Variants in ATXN10 observed in about 807,000 individuals in gnomAD.
ATXN10 encodes ataxin-10.
Under a neutral mutation model 52.9 loss-of-function variants are expected in ATXN10, and 28 were observed. The ratio of observed to expected loss-of-function variants is 0.53; its 90% CI spans 0.39 to 0.73. ATXN10 has a LOEUF of 0.73. ATXN10 is among the 30% of genes least tolerant of loss of function. The pLI, the probability that ATXN10 is intolerant of heterozygous loss-of-function variation, is 0.00. For synonymous variants in ATXN10, 226 were observed against 221.5 expected, an observed-to-expected ratio of 1.02 and a Z score of -0.18; for missense variants, 565 against 577.0, an observed-to-expected ratio of 0.98 and a Z score of 0.21.
intron 7 of ATXN10, 104 bp downstream of exon 7, chr22:45,729,694 A>G: frequency 4.8e-6 from 6 of 1,245,864 alleles, no homozygotes; most frequent in Non-Finnish European, 6.9e-6. Context: ...TTTAAAAAAT[A>G]TTATGTAAGT....
intron 10 of ATXN10, among the ~76,000 whole-genome samples, chr22:45,814,145 G>A (rs1179761700): frequency 6.6e-6 from 1 of 152,170 alleles, no homozygotes; most frequent in Non-Finnish European, 1.5e-5. Flanking sequence ...TTATTATCTT[G>A]GATTGGGCAA....
In ATXN10 at chr22:45,827,607, T is replaced by C. The variant is rs183315849; in HGVS notation, c.1238-15384T>C. Among the ~76,000 whole-genome samples the C allele has an allele frequency of 2.1e-3, 327 of 152,202 alleles. 10 individuals carry two copies. Among genetic ancestry groups the C allele is most frequent in the Admixed American group, 0.021 (324 of 15,292 alleles). Reference sequence around the variant, plus strand: ...ATACAGTAAGAAGATACAACAGATATAAACATTTGCACAGACCGATAACAG... The same window carrying C: ...ATACAGTAAGAAGATACAACAGATACAAACATTTGCACAGACCGATAACAG... On this transcript the variant is annotated intron_variant, in intron 10 of 11. Transcript: ENST00000252934.
chr22:45,699,847 ATT>A (rs1166697258), intron 3 of ATXN10, among the ~76,000 whole-genome samples: 3 of 126,390 alleles, frequency 2.4e-5, no homozygotes, highest in Non-Finnish European at 3.4e-5. Context: ...AGGCATATTA[ATT>A]TTTTTTTTTT....
At chr22:45,714,559 T>C (rs1344507725) in intron 5 of ATXN10, among the ~76,000 whole-genome samples, 1 of 152,076 alleles carries the variant, frequency 6.6e-6, no homozygotes, top group Admixed American at 6.5e-5. Context: ...TAATTTTTTA[T>C]TTTGTAGAGA....
Position 45,763,599 on chromosome 22 carries a change from G to A in ATXN10, c.1173+23061G>A, listed in dbSNP as rs1926476663. 6.6e-6 allele frequency among the ~76,000 whole-genome samples: 1 copy of A among 151,956 alleles called. No homozygotes were observed. Among genetic ancestry groups the A allele is most frequent in the East Asian group, 1.9e-4 (1 of 5,164 alleles). ...ACCCCACCACGCCCCCCACCTCTCT[G>A]TCCCTGCTCTTTGGGCCCTTCCTTT... On this transcript the variant is annotated intron_variant, in intron 9 of 11. Coordinates refer to ENST00000252934, the MANE Select transcript of ATXN10 (RefSeq NM_013236.4). This position sits in a 1 kb window ranked among gnomAD's most constrained non-coding sequence, Gnocchi z 6.9.
intron 10 of ATXN10, among the ~76,000 whole-genome samples, chr22:45,830,558 T>A (rs919905254): frequency 3.3e-5 from 5 of 152,124 alleles, no homozygotes; most frequent in Non-Finnish European, 5.9e-5. Flanking sequence ...GAGTACACAT[T>A]TCTCCAGTAA....
At chr22:45,713,110 C>T (rs950840430) in intron 5 of ATXN10, among the ~76,000 whole-genome samples, 2 of 152,066 alleles carry the variant, frequency 1.3e-5, no homozygotes, top group African/African-American at 2.4e-5. Context: ...TGAAACCCCC[C>T]GTCTTTAGGA....
chr22:45,765,788 C>G (rs1161197970), intron 9 of ATXN10, among the ~76,000 whole-genome samples: 1 of 152,156 alleles, frequency 6.6e-6, no homozygotes, highest in Non-Finnish European at 1.5e-5. Flanking sequence ...TAAAAAGACT[C>G]AATTTCATTC....
In ATXN10 at chr22:45,818,853, A is replaced by T. The variant is rs1928552994; in HGVS notation, c.1237+11831A>T. On this transcript the variant is annotated intron_variant, in intron 10 of 11. Coordinates refer to ENST00000252934, the MANE Select transcript of ATXN10 (RefSeq NM_013236.4). The surrounding 1 kb of genome is among the most constrained non-coding windows in gnomAD (Gnocchi z 4.6). The stretch of plus-strand genomic sequence containing the variant: ...TGTGGACACTGATTGCCTGTTCCTA[A>T]GGACCTGCTCCTTAGAGCCAAGCCC... Among the ~76,000 whole-genome samples the T allele has an allele frequency of 6.6e-6, 1 of 152,126 alleles. No individual in the cohort carries two copies. Among genetic ancestry groups the T allele is most frequent in the Non-Finnish European group, 1.5e-5 (1 of 68,024 alleles).
intron 7 of ATXN10, among the ~76,000 whole-genome samples, chr22:45,735,864 G>T (rs9626431): frequency 6.1e-5 from 5 of 81,616 alleles, no homozygotes; most frequent in South Asian, 4.4e-4. Flanking sequence ...ATTAATATTA[G>T]TTTCATAAGA....
At chr22:45,716,318 G>A (rs568285173) in intron 5 of ATXN10, among the ~76,000 whole-genome samples, 2 of 150,046 alleles carry the variant, frequency 1.3e-5, no homozygotes, top group East Asian at 2.0e-4. Flanking sequence ...ATTGCTTTGA[G>A]TGCTTCCTTT....
Position 45,781,856 on chromosome 22 carries a change from C to T in ATXN10, c.1174-25103C>T, listed in dbSNP as rs1927159817. On this transcript the variant is annotated intron_variant, in intron 9 of 11. Coordinates refer to ENST00000252934, the MANE Select transcript of ATXN10 (RefSeq NM_013236.4). The surrounding 1 kb of genome is among the most constrained non-coding windows in gnomAD (Gnocchi z 4.2). ...AAAACTCAGTGATTGGGTTCAGTGG[C>T]AGAATGGAGATGCTGGAAGAAAAAA... 6.6e-6 allele frequency among the ~76,000 whole-genome samples: 1 copy of T among 151,418 alleles called. No individual in the cohort carries two copies. The highest frequency in any genetic ancestry group is 2.4e-5 in the African/African-American group (1 of 41,322).
intron 9 of ATXN10, among the ~76,000 whole-genome samples, chr22:45,785,098 A>G (rs1227707565): frequency 2.0e-5 from 3 of 152,228 alleles, no homozygotes; most frequent in Non-Finnish European, 2.9e-5. Flanking sequence ...ATGTGCCGAA[A>G]CAGCTTTTCA....
At chr22:45,737,690 CTTTTTTTTTT>C (rs544284810) in intron 7 of ATXN10, among the ~76,000 whole-genome samples, 2 of 123,238 alleles carry the variant, frequency 1.6e-5, no homozygotes, top group East Asian at 2.3e-4. Context: ...AATGTTATCT[CTTTTTTTTTT>C]TTTTTTTTTT....
Position 45,824,516 on chromosome 22 carries a change from G to A in ATXN10, c.1237+17494G>A, listed in dbSNP as rs1274671353. ...GCTGTGTCCCCCTTCCATAGTGATT[G>A]TCTTTACTTTCCATCCCTTAGTTGA... is the stretch of plus-strand genomic sequence containing the variant. On this transcript the variant is annotated intron_variant, in intron 10 of 11. Coordinates refer to ENST00000252934, the MANE Select transcript of ATXN10 (RefSeq NM_013236.4). This position sits in a 1 kb window ranked among gnomAD's most constrained non-coding sequence, Gnocchi z 5.2. Among the ~76,000 whole-genome samples the A allele has an allele frequency of 1.3e-5, 2 of 152,128 alleles. No homozygotes were observed. The highest frequency in any genetic ancestry group is 6.5e-5 in the Admixed American group (1 of 15,268).
At chr22:45,817,482 G>A (rs1427651453) in intron 10 of ATXN10, among the ~76,000 whole-genome samples, 3 of 151,884 alleles carry the variant, frequency 2.0e-5, no homozygotes, top group South Asian at 2.1e-4. Context: ...ATGCCACGAC[G>A]CCTGGCTAAT....
At position 45,783,727 on chromosome 22, in the gene ATXN10, T is replaced by G. The variant is rs1184611757; in HGVS notation, c.1174-23232T>G. Among the ~76,000 whole-genome samples the G allele has an allele frequency of 6.6e-6, 1 of 152,250 alleles. No homozygotes were observed. The highest frequency in any genetic ancestry group is 2.4e-5 in the African/African-American group (1 of 41,468). ...AATACAAGGTCTATCACAAAGTAGC[T>G]TTCTTTTAAATGTTTATCAAATAAA... is the stretch of plus-strand genomic sequence containing the variant. On this transcript the variant is annotated intron_variant, in intron 9 of 11. Coordinates refer to ENST00000252934, the MANE Select transcript of ATXN10 (RefSeq NM_013236.4). The surrounding 1 kb of genome is among the most constrained non-coding windows in gnomAD (Gnocchi z 5.0).
At chr22:45,700,947 G>A (rs1923819811) in intron 4 of ATXN10, among the ~76,000 whole-genome samples, 1 of 152,126 alleles carries the variant, frequency 6.6e-6, no homozygotes, top group African/African-American at 2.4e-5. Context: ...GTCTCGATTG[G>A]ATCCTGGTAC....
At chr22:45,693,450 T>C (rs934921860) in intron 3 of ATXN10, among the ~76,000 whole-genome samples, 2 of 152,154 alleles carry the variant, frequency 1.3e-5, no homozygotes, top group African/African-American at 4.8e-5. Flanking sequence ...AGATGGTGCC[T>C]CTTGCTTTGT....
Sources: allele counts gnomAD v4.1 joint callset (sites outside exome capture counted in the v4.1 genomes callset), GRCh38; gene constraint gnomAD v4.1.1; non-coding constraint Gnocchi (gnomAD v3.1); transcripts MANE v1.5; gene names NCBI Gene and HGNC (gene_info 2026-07-23, HGNC 2026-07-21).